Variants in AARD observed in about 807,000 individuals in gnomAD.
AARD encodes the protein alanine and arginine rich domain containing protein.
Under a neutral mutation model 9.3 loss-of-function variants are expected in AARD, and 9 were observed. The observed-to-expected ratio is 0.97, with a 90% CI of 0.58 to 1.69. The LOEUF (loss-of-function observed/expected upper bound fraction) is 1.69. Ranked by LOEUF, AARD falls within the 40% of genes most tolerant of loss-of-function variation. The pLI, the probability that AARD is intolerant of heterozygous loss-of-function variation, is 0.00. For missense variants in AARD, 236 were observed against 210.3 expected (o/e 1.12, Z -0.76); for synonymous variants, 91 against 93.8 (o/e 0.97, Z 0.17).
intron 1 of AARD, 172 bp downstream of exon 1, chr8:116,938,739 C>A: frequency 1.0e-6 from 1 of 976,788 alleles, no homozygotes; most frequent in Non-Finnish European, 1.4e-6. Flanking sequence ...GAAAAGGGCC[C>A]TGCAGGACCC....
chr8:116,938,629 C>T, intron 1 of AARD, 62 bp downstream of exon 1: 1 of 1,379,158 alleles, frequency 7.3e-7, no homozygotes, highest in Non-Finnish European at 9.3e-7. Context: ...TCTCCTCCAG[C>T]TGCAGAGCCG....
chr8:116,942,625 A>T lies in AARD; in HGVS notation c.392A>T (p.Gln131Leu). ...CTGGACCTAAACATGAAAGTGCAGCAATTGAAAAAGGAGTATGAACTGGAA... is the reference window on the plus strand; with the variant it reads ...CTGGACCTAAACATGAAAGTGCAGCTATTGAAAAAGGAGTATGAACTGGAA... ...TLLDLNMKVQ[Q>L]LKKEYELEIT... Residue 131 changes from glutamine (Q) to leucine (L), a missense_variant, in exon 2 of 2, where the codon CAA becomes CTA. Gln to Leu is a moderately radical substitution (Grantham distance 113). Transcript: ENST00000378279. 6.2e-7 allele frequency: 1 copy of T among 1,614,080 alleles called. No homozygotes were observed. Among genetic ancestry groups the T allele is most frequent in the South Asian group, 1.1e-5 (1 of 91,086 alleles).
In AARD at chr8:116,943,308, G is replaced by A. The variant is rs1444260794; in HGVS notation, c.*607G>A. The A allele has an allele frequency of 2.0e-5, 3 of 152,076 alleles. No individual in the cohort carries two copies. The highest frequency in any genetic ancestry group is 4.4e-5 in the Non-Finnish European group (3 of 68,042). 9.4% of individuals were successfully genotyped at this position (152,076 alleles called of 1,614,324 possible). ...AAAGAATGCTTTAATGCCAACTTTCGGTATTCAACCTTGTGTCACCTGACC... is the reference window on the plus strand; with the variant it reads ...AAAGAATGCTTTAATGCCAACTTTCAGTATTCAACCTTGTGTCACCTGACC... On this transcript the variant is annotated 3_prime_UTR_variant, in exon 2 of 2. Coordinates refer to ENST00000378279, the MANE Select transcript of AARD (RefSeq NM_001025357.3).
At position 116,942,824 on chromosome 8, in the gene AARD, C is replaced by G; in HGVS notation, c.*123C>G. The G allele has an allele frequency of 2.2e-6, 2 of 923,270 alleles. No homozygotes were observed. The highest frequency in any genetic ancestry group is 3.1e-6 in the Non-Finnish European group (2 of 646,160). The allele number at this position is 923,270 out of a possible 1,614,324, so 57.2% of individuals were successfully genotyped here. On this transcript the variant is annotated 3_prime_UTR_variant, in exon 2 of 2. Transcript: ENST00000378279. ...GACCATCCTGGCTAACACTGTGAAA[C>G]CCTGCCTCTACTAAAAATACAAAAA...
chr8:116,941,947 C>T (rs1053198067), intron 1 of AARD, among the ~76,000 whole-genome samples: 13 of 93,438 alleles, frequency 1.4e-4, no homozygotes, highest in South Asian at 4.1e-4. Context: ...TTTTTTTAAA[C>T]GCACGAGGAC....
intron 1 of AARD, among the ~76,000 whole-genome samples, chr8:116,942,073 A>G (rs1224856977): frequency 1.3e-5 from 2 of 152,208 alleles, no homozygotes; most frequent in African/African-American, 4.8e-5. Context: ...TGTGTCTCTA[A>G]GGTGTCATTA....
chr8:116,943,454 A>T lies in AARD; in HGVS notation c.*753A>T, dbSNP rs1813770170. The T allele has an allele frequency of 6.6e-6, 1 of 152,210 alleles. No homozygotes were observed. Among genetic ancestry groups the T allele is most frequent in the East Asian group, 1.9e-4 (1 of 5,192 alleles). 9.4% of individuals were successfully genotyped at this position (152,210 alleles called of 1,614,324 possible). ...GGAGAATTGTTTCTACTTGGATTCT[A>T]ACCATGCCCTTTAGGTGGTCTGTGA... On this transcript the variant is annotated 3_prime_UTR_variant, in exon 2 of 2. Coordinates refer to ENST00000378279, the MANE Select transcript of AARD (RefSeq NM_001025357.3).
At chr8:116,940,310 T>G (rs1057223365) in intron 1 of AARD, among the ~76,000 whole-genome samples, 6 of 152,168 alleles carry the variant, frequency 3.9e-5, no homozygotes, top group African/African-American at 1.4e-4. Flanking sequence ...CCATGGGTAT[T>G]GTTTAGTGGC....
Position 116,938,402 on chromosome 8 carries a change from C to T in AARD, c.159C>T (p.Ser53=), listed in dbSNP as rs371757231. 7.4e-6 allele frequency: 12 copies of T among 1,612,006 alleles called. No individual in the cohort carries two copies. The African/African-American group carries it at 1.6e-4, about 22-fold the overall frequency. Residue 53 remains serine, a synonymous_variant, in exon 1 of 2, where the codon AGC becomes AGT. Transcript: ENST00000378279. ...TDIQEEALAA[S]PLLEDLRRRL... ...TCCAGGAGGAGGCCCTCGCCGCCAG[C>T]CCGCTGCTGGAGGACCTCAGACGAC... is the stretch of plus-strand genomic sequence containing the variant.
In AARD at chr8:116,942,771, C is replaced by T. The variant is rs989069015; in HGVS notation, c.*70C>T. 3.7e-5 allele frequency: 55 copies of T among 1,493,088 alleles called. No homozygotes were observed. The South Asian group carries it at 3.7e-4, about 10-fold the overall frequency. The allele number at this position is 1,493,088 out of a possible 1,614,324, so 92.5% of individuals were successfully genotyped here. ...ATCCCAGCACTTTGGGAGGCCGAGGCGGGCGGATCAAGACGTCAGGAGATT... is the reference window on the plus strand; with the variant it reads ...ATCCCAGCACTTTGGGAGGCCGAGGTGGGCGGATCAAGACGTCAGGAGATT... On this transcript the variant is annotated 3_prime_UTR_variant, in exon 2 of 2. Coordinates refer to ENST00000378279, the MANE Select transcript of AARD (RefSeq NM_001025357.3).
chr8:116,942,823 A>G lies in AARD; in HGVS notation c.*122A>G. 1.1e-6 allele frequency: 1 copy of G among 929,640 alleles called. No homozygotes were observed. Among genetic ancestry groups the G allele is most frequent in the East Asian group, 2.7e-5 (1 of 37,066 alleles). 57.6% of individuals were successfully genotyped at this position (929,640 alleles called of 1,614,324 possible). On this transcript the variant is annotated 3_prime_UTR_variant, in exon 2 of 2. Transcript: ENST00000378279. ...AGACCATCCTGGCTAACACTGTGAA[A>G]CCCTGCCTCTACTAAAAATACAAAA... is the stretch of plus-strand genomic sequence containing the variant.
chr8:116,943,992 C>A lies in AARD; in HGVS notation c.*1291C>A, dbSNP rs1465324129. ...CAGTAAAGTTAATAAAAAATAGTTG[C>A]AGATCTAAGTGATATTTATAATGGT... On this transcript the variant is annotated 3_prime_UTR_variant, in exon 2 of 2. Coordinates refer to ENST00000378279, the MANE Select transcript of AARD (RefSeq NM_001025357.3). The A allele has an allele frequency of 6.6e-6, 1 of 152,090 alleles. No individual in the cohort carries two copies. The highest frequency in any genetic ancestry group is 1.5e-5 in the Non-Finnish European group (1 of 68,024). 9.4% of individuals were successfully genotyped at this position (152,090 alleles called of 1,614,324 possible).
chr8:116,939,797 G>A (rs953211469), intron 1 of AARD, among the ~76,000 whole-genome samples: 3 of 152,220 alleles, frequency 2.0e-5, no homozygotes, highest in South Asian at 2.1e-4. Context: ...CAGGGTAGCC[G>A]GAGCCACCTC....
At chr8:116,940,337 A>T (rs917425579) in intron 1 of AARD, among the ~76,000 whole-genome samples, 3 of 152,164 alleles carry the variant, frequency 2.0e-5, no homozygotes, top group Non-Finnish European at 2.9e-5. Context: ...TATTATAATG[A>T]TTACTATAGA....
chr8:116,941,896 A>G (rs1813749775), intron 1 of AARD, among the ~76,000 whole-genome samples: 1 of 152,190 alleles, frequency 6.6e-6, no homozygotes, highest in Admixed American at 6.5e-5. Context: ...TGTTGGACTA[A>G]GCTTTCTTGG....
chr8:116,940,519 C>G (rs1480493952), intron 1 of AARD, among the ~76,000 whole-genome samples: 3 of 152,076 alleles, frequency 2.0e-5, no homozygotes, highest in Non-Finnish European at 4.4e-5. Flanking sequence ...AAAGAAGAGG[C>G]AAAGGAGTGT....
Position 116,942,738 on chromosome 8 carries a change from C to T in AARD, c.*37C>T, listed in dbSNP as rs755288009. On this transcript the variant is annotated 3_prime_UTR_variant, in exon 2 of 2. Transcript: ENST00000378279. ...CGCAAGGGCTGGGCGCGGTGGCTCA[C>T]GCCTGTAATCCCAGCACTTTGGGAG... 3.6e-5 allele frequency: 58 copies of T among 1,596,090 alleles called. No individual in the cohort carries two copies. The highest frequency in any genetic ancestry group is 1.1e-4 in the East Asian group (5 of 44,580).
chr8:116,942,551 C>CT lies in AARD; in HGVS notation c.325-3dup, dbSNP rs34539018. 5.6e-6 allele frequency: 9 copies of CT among 1,606,848 alleles called. No individual in the cohort carries two copies. The highest frequency in any genetic ancestry group is 7.7e-6 in the Non-Finnish European group (9 of 1,176,242). On this transcript the variant is annotated splice_polypyrimidine_tract_variant and splice_region_variant and intron_variant, in intron 1 of 1. Coordinates refer to ENST00000378279, the MANE Select transcript of AARD (RefSeq NM_001025357.3). ...TAATAAAATTTTTATTTTTTTCTAA[C>CT]TTTTAGGTGGAAATGCATTTCCAAA...
intron 1 of AARD, among the ~76,000 whole-genome samples, chr8:116,941,146 A>G (rs2130551834): frequency 6.6e-6 from 1 of 152,324 alleles, no homozygotes; most frequent in Middle Eastern, 3.4e-3. Flanking sequence ...TGAATAATAT[A>G]CAGCCTCTAC....
Sources: allele counts gnomAD v4.1 joint callset (sites outside exome capture counted in the v4.1 genomes callset), GRCh38; gene constraint gnomAD v4.1.1; transcripts MANE v1.5; gene names NCBI Gene and HGNC (gene_info 2026-07-23, HGNC 2026-07-21).